IKBKB-DT: variants seen among roughly 807,000 people sequenced by gnomAD.
IKBKB-DT encodes IKBKB antisense RNA.
chr8:42,265,163 C>T (rs2129935422), intron 2 of IKBKB-DT, among the ~76,000 whole-genome samples: 1 of 152,252 alleles, frequency 6.6e-6, no homozygotes, highest in African/African-American at 2.4e-5. Context: ...GTGCCCAGCC[C>T]ATTTTATTTT....
At chr8:42,235,195 C>A (rs76247127) in intron 3 of IKBKB-DT, among the ~76,000 whole-genome samples, 7 of 107,536 alleles carry the variant, frequency 6.5e-5, no homozygotes, top group South Asian at 2.9e-4. Flanking sequence ...TTTTTCTTTT[C>A]TTTTATTTTC....
intron 3 of IKBKB-DT, among the ~76,000 whole-genome samples, chr8:42,235,624 C>A (rs1806910324): frequency 6.6e-6 from 1 of 152,164 alleles, no homozygotes; most frequent in Admixed American, 6.5e-5. Flanking sequence ...CATCTCCAAC[C>A]CAATCAATCA....
At chr8:42,252,908 A>C (rs1465205601) in intron 3 of IKBKB-DT, among the ~76,000 whole-genome samples, 2 of 152,226 alleles carry the variant, frequency 1.3e-5, no homozygotes, top group Non-Finnish European at 2.9e-5. Flanking sequence ...ACAAAGAAGA[A>C]AGTTAAAATA....
chr8:42,242,178 GC>G (rs1807012923), intron 3 of IKBKB-DT, among the ~76,000 whole-genome samples: 1 of 152,044 alleles, frequency 6.6e-6, no homozygotes, highest in South Asian at 2.1e-4. Context: ...TTGCACCACT[GC>G]ACTCCAGCCT....
exon 2 of IKBKB-DT, chr8:42,266,053 C>G (rs145397512): frequency 1.4e-3 from 221 of 152,466 alleles, no homozygotes; most frequent in Non-Finnish European, 2.4e-3. Context: ...GTCCCCAGAA[C>G]AAAGGCAGAC....
chr8:42,234,401 GA>G (rs951895767), intron 3 of IKBKB-DT, among the ~76,000 whole-genome samples: 3 of 152,092 alleles, frequency 2.0e-5, no homozygotes, highest in African/African-American at 7.2e-5. Context: ...CATGATAAAA[GA>G]TTTTATGAGA....
At chr8:42,252,352 G>A (rs975153830) in intron 3 of IKBKB-DT, among the ~76,000 whole-genome samples, 56 of 152,156 alleles carry the variant, frequency 3.7e-4, no homozygotes, top group Non-Finnish European at 1.8e-4. Flanking sequence ...TCTCTCTGTA[G>A]GAGAGACAGC....
At chr8:42,258,630 G>A (rs146753050) in intron 3 of IKBKB-DT, among the ~76,000 whole-genome samples, 4,036 of 151,910 alleles carry the variant, frequency 0.027, 86 homozygotes, top group Non-Finnish European at 0.042. Flanking sequence ...CATCATGCCC[G>A]GCTAATTTTT....
intron 3 of IKBKB-DT, among the ~76,000 whole-genome samples, chr8:42,241,391 C>A: frequency 6.6e-6 from 1 of 151,640 alleles, no homozygotes; most frequent in African/African-American, 2.4e-5. Context: ...AGGTTATTGT[C>A]TGTGTCTTTA....
intron 3 of IKBKB-DT, among the ~76,000 whole-genome samples, chr8:42,241,982 A>T (rs1489252332): frequency 6.6e-6 from 1 of 152,074 alleles, no homozygotes; most frequent in Non-Finnish European, 1.5e-5. Context: ...GGGAGGCCGA[A>T]GCGGGCGGAT....
chr8:42,254,226 T>C (rs554267922), intron 3 of IKBKB-DT, among the ~76,000 whole-genome samples: 1 of 152,308 alleles, frequency 6.6e-6, no homozygotes, highest in Non-Finnish European at 1.5e-5. Flanking sequence ...GCATAATAGT[T>C]TTTTTTACTA....
chr8:42,248,116 G>A (rs1292729736), intron 3 of IKBKB-DT, among the ~76,000 whole-genome samples: 1 of 151,656 alleles, frequency 6.6e-6, no homozygotes, highest in Non-Finnish European at 1.5e-5. Flanking sequence ...AAAAGAAAGT[G>A]TCTTCTTCTC....
chr8:42,256,299 T>C (rs949579581), intron 3 of IKBKB-DT, among the ~76,000 whole-genome samples: 1 of 151,352 alleles, frequency 6.6e-6, no homozygotes, highest in Non-Finnish European at 1.5e-5. Context: ...TGGTGGCTCA[T>C]GCCTGTAATC....
chr8:42,243,739 T>A (rs1423450393), intron 3 of IKBKB-DT, among the ~76,000 whole-genome samples: 2 of 152,216 alleles, frequency 1.3e-5, no homozygotes, highest in Non-Finnish European at 2.9e-5. Context: ...GTGAGTAAGG[T>A]CATGTTGTTC....
intron 1 of IKBKB-DT, among the ~76,000 whole-genome samples, chr8:42,269,512 G>T (rs1006695063): frequency 9.0e-6 from 1 of 110,504 alleles, no homozygotes; most frequent in African/African-American, 3.4e-5. Flanking sequence ...AAGGAAGGAG[G>T]AGAGATAGGA....
At chr8:42,252,413 G>A (rs191918315) in intron 3 of IKBKB-DT, among the ~76,000 whole-genome samples, 105 of 152,224 alleles carry the variant, frequency 6.9e-4, no homozygotes, top group African/African-American at 1.9e-3. Flanking sequence ...TCACTCCTGC[G>A]TGTGTCTGCA....
At chr8:42,235,855 A>G (rs759938121) in intron 3 of IKBKB-DT, among the ~76,000 whole-genome samples, 2 of 152,042 alleles carry the variant, frequency 1.3e-5, no homozygotes. Flanking sequence ...CCTGGCCAAC[A>G]TGGTTAGACC....
At chr8:42,257,172 T>G (rs1807213361) in intron 3 of IKBKB-DT, among the ~76,000 whole-genome samples, 2 of 152,198 alleles carry the variant, frequency 1.3e-5, no homozygotes. Context: ...CCATGTAATT[T>G]AACGTACCAA....
At chr8:42,239,834 T>C (rs542871759) in intron 3 of IKBKB-DT, among the ~76,000 whole-genome samples, 1 of 151,280 alleles carries the variant, frequency 6.6e-6, no homozygotes, top group African/African-American at 2.4e-5. Flanking sequence ...AAAGGAGGTT[T>C]TGCCATGTTG....
Sources: allele counts gnomAD v4.1 joint callset (sites outside exome capture counted in the v4.1 genomes callset), GRCh38; gene constraint gnomAD v4.1.1; transcripts MANE v1.5; gene names NCBI Gene and HGNC (gene_info 2026-07-23, HGNC 2026-07-21).